Variants in DYNC1I1 observed in about 807,000 individuals in gnomAD.
The protein encoded by DYNC1I1 is cytoplasmic dynein 1 intermediate chain 1.
A neutral mutation model predicts 86.6 loss-of-function variants in DYNC1I1; 43 were observed. The ratio of observed to expected loss-of-function variants is 0.50; its 90% CI spans 0.39 to 0.64. The LOEUF is 0.64. DYNC1I1 is among the 30% of genes least tolerant of loss of function. The probability of loss-of-function intolerance (pLI) is 0.00; values close to 1 mark genes in which losing one functional copy is unlikely to be tolerated. For missense variants in DYNC1I1, 604 were observed against 788.8 expected (o/e 0.77, Z 2.81); for synonymous variants, 262 against 283.7 (o/e 0.92, Z 0.77).
intron 5 of DYNC1I1, among the ~76,000 whole-genome samples, chr7:95,859,495 C>T (rs1789817512): frequency 1.3e-5 from 2 of 152,300 alleles, no homozygotes; most frequent in South Asian, 4.1e-4. Flanking sequence ...TCATCTTACC[C>T]AGAGATTCTG....
chr7:95,839,314 A>G (rs1012483821), intron 5 of DYNC1I1, among the ~76,000 whole-genome samples: 2 of 152,188 alleles, frequency 1.3e-5, no homozygotes, highest in African/African-American at 4.8e-5. Flanking sequence ...TACAGATGTG[A>G]GCCACTGCAC....
intron 7 of DYNC1I1, among the ~76,000 whole-genome samples, chr7:95,980,430 G>A (rs552237238): frequency 2.3e-4 from 35 of 150,694 alleles, no homozygotes; most frequent in East Asian, 7.8e-4. Context: ...CTTCCATTAC[G>A]AACCTTGCGT....
intron 16 of DYNC1I1, among the ~76,000 whole-genome samples, chr7:96,092,873 G>A (rs959623126): frequency 1.3e-5 from 2 of 152,124 alleles, no homozygotes; most frequent in African/African-American, 4.8e-5. Flanking sequence ...CTTTGAGCAG[G>A]TGATTCAAAA....
At chr7:95,988,094 C>T (rs998687826) in intron 9 of DYNC1I1, among the ~76,000 whole-genome samples, 7 of 152,126 alleles carry the variant, frequency 4.6e-5, no homozygotes, top group East Asian at 1.9e-4. Context: ...TCTGATCACT[C>T]GGCTGCGTGA....
chr7:95,953,684 G>A (rs912264999), intron 6 of DYNC1I1, among the ~76,000 whole-genome samples: 7 of 152,144 alleles, frequency 4.6e-5, no homozygotes, highest in African/African-American at 1.7e-4. Flanking sequence ...TGTTAGCAGC[G>A]TGAGGAAGCC....
chr7:95,898,983 A>G (rs913374692), intron 6 of DYNC1I1, among the ~76,000 whole-genome samples: 1 of 152,226 alleles, frequency 6.6e-6, no homozygotes, highest in African/African-American at 2.4e-5. Flanking sequence ...TGAAAACTCA[A>G]TCTGGCATTT....
intron 10 of DYNC1I1, among the ~76,000 whole-genome samples, chr7:96,017,918 G>C (rs893896045): frequency 6.6e-6 from 1 of 152,118 alleles, no homozygotes; most frequent in Admixed American, 6.5e-5. Flanking sequence ...GCTGCTAGCT[G>C]TTCATTAGAC....
intron 5 of DYNC1I1, among the ~76,000 whole-genome samples, chr7:95,860,087 G>A (rs988071779): frequency 3.9e-5 from 6 of 152,150 alleles, no homozygotes; most frequent in African/African-American, 1.4e-4. Flanking sequence ...TTCATGCACG[G>A]TTATTCAAAT....
At chr7:95,870,817 A>G (rs1407005817) in intron 6 of DYNC1I1, among the ~76,000 whole-genome samples, 1 of 152,262 alleles carries the variant, frequency 6.6e-6, no homozygotes, top group African/African-American at 2.4e-5. Context: ...AGATTATGCA[A>G]AAGCAGAAGA....
At chr7:95,818,026 G>T (rs1794985324) in intron 4 of DYNC1I1, among the ~76,000 whole-genome samples, 1 of 152,136 alleles carries the variant, frequency 6.6e-6, no homozygotes, top group Admixed American at 6.6e-5. Flanking sequence ...GGAAGGAAAT[G>T]TTGAAAATGT....
At chr7:95,850,406 T>TA (rs1789545498) in intron 5 of DYNC1I1, among the ~76,000 whole-genome samples, 2 of 152,202 alleles carry the variant, frequency 1.3e-5, no homozygotes, top group South Asian at 4.1e-4. Context: ...TGAGGGTTTT[T>TA]ATCATGAAAG....
intron 6 of DYNC1I1, among the ~76,000 whole-genome samples, chr7:95,936,990 A>ACACACACACACAC (rs1562949165): frequency 9.9e-5 from 15 of 151,730 alleles, no homozygotes; most frequent in South Asian, 2.1e-4. Context: ...ACACACACAC[A>ACACACACACACAC]AATACTATTC....
At chr7:96,077,237 A>ATT (rs1790367063) in intron 15 of DYNC1I1, among the ~76,000 whole-genome samples, 1 of 117,134 alleles carries the variant, frequency 8.5e-6, no homozygotes, top group Non-Finnish European at 1.7e-5. Context: ...CTTCCCTAGT[A>ATT]TTTGTGTGTG....
intron 14 of DYNC1I1, among the ~76,000 whole-genome samples, chr7:96,062,113 G>T (rs986770792): frequency 6.6e-6 from 1 of 152,206 alleles, no homozygotes; most frequent in Non-Finnish European, 1.5e-5. Context: ...CTTCGCCTCT[G>T]GAGCCAGGGC....
intron 5 of DYNC1I1, among the ~76,000 whole-genome samples, chr7:95,866,618 ATATTG>A (rs1352011830): frequency 6.6e-6 from 1 of 152,238 alleles, no homozygotes; most frequent in Non-Finnish European, 1.5e-5. Context: ...AGCGTCTGGC[ATATTG>A]TAAGTCCCTG....
intron 5 of DYNC1I1, among the ~76,000 whole-genome samples, chr7:95,849,688 T>C (rs1260725456): frequency 6.6e-6 from 1 of 152,146 alleles, no homozygotes; most frequent in African/African-American, 2.4e-5. Context: ...TCAATGTTGC[T>C]TTAACTGTTT....
chr7:95,922,493 G>A (rs1791636703), intron 6 of DYNC1I1, among the ~76,000 whole-genome samples: 1 of 152,120 alleles, frequency 6.6e-6, no homozygotes, highest in Non-Finnish European at 1.5e-5. Flanking sequence ...ATAAGAGAAA[G>A]TAAAAACCAC....
Position 96,076,117 on chromosome 7 carries a change from TC to T in DYNC1I1, c.1575del (p.Val526CysfsTer39). 6.2e-7 allele frequency: 1 copy of T among 1,614,142 alleles called. No homozygotes were observed. The highest frequency in any genetic ancestry group is 8.5e-7 in the Non-Finnish European group (1 of 1,180,034). ...AGACTATGTGTACGATGTCATGTGG[TC>T]CCCCGTGCATCCTGCGCTTTTTGCC... ...NADYVYDVMWSPVHPALFACV... is the reference protein window; with the variant it reads ...NADYVYDVMWXPVHPALFACV... On this transcript the variant is annotated frameshift_variant, in exon 15 of 17. Coordinates refer to ENST00000447467, the MANE Select transcript of DYNC1I1 (RefSeq NM_001135556.2). LOFTEE classifies it high-confidence loss of function.
intron 10 of DYNC1I1, among the ~76,000 whole-genome samples, chr7:96,016,724 G>C (rs1049622149): frequency 1.3e-5 from 2 of 152,140 alleles, no homozygotes; most frequent in Non-Finnish European, 2.9e-5. Context: ...AGATTAAGAA[G>C]CTGGCTCTTT....
Sources: gnomAD v4.1 joint callset for allele counts (sites outside exome capture counted in the v4.1 genomes callset) on GRCh38, gnomAD v4.1.1 for gene constraint, MANE v1.5 for transcripts, NCBI Gene and HGNC (gene_info 2026-07-23, HGNC 2026-07-21) for gene names.